The following PFKP variants were observed in gnomAD, a reference collection of about 807,000 sequenced individuals.
PFKP encodes phosphofructokinase, platelet, also known as ATP-dependent 6-phosphofructokinase, platelet type.
In PFKP, 101 loss-of-function variants were observed where a neutral mutation model predicts 94.3. That is an observed-to-expected ratio of 1.07 (90% CI 0.91 to 1.26). The LOEUF is 1.26. Among genes scored for constraint, PFKP ranks in the 50% most tolerant of loss-of-function variants. The probability of loss-of-function intolerance (pLI) is 0.00; values close to 1 mark genes in which losing one functional copy is unlikely to be tolerated. For missense variants in PFKP, 1,145 were observed against 1,103.3 expected (o/e 1.04, Z -0.53); for synonymous variants, 573 against 432.6 (o/e 1.32, Z -4.03).
chr10:3,104,997 C>T, intron 5 of PFKP, 118 bp from the exon 6 acceptor site: 4 of 937,560 alleles, frequency 4.3e-6, no homozygotes, highest in Non-Finnish European at 1.7e-6. Flanking sequence ...TCCTGGCTAA[C>T]TCGGCTGTCA....
At chr10:3,102,500 G>A (rs764689875) in intron 4 of PFKP, among the ~76,000 whole-genome samples, 164 of 151,952 alleles carry the variant, frequency 1.1e-3, no homozygotes, top group Non-Finnish European at 2.1e-3. Flanking sequence ...TGCAACATCT[G>A]CCTCCTGGGT....
chr10:3,105,602 C>CTCTG (rs1330758537), intron 7 of PFKP, 101 bp downstream of exon 7: 7 of 803,270 alleles, frequency 8.7e-6, no homozygotes, highest in Non-Finnish European at 1.5e-5. Flanking sequence ...GAAAAAATTT[C>CTCTG]TCTGTCTCCA....
intron 1 of PFKP, among the ~76,000 whole-genome samples, chr10:3,071,568 T>C (rs567160147): frequency 3.4e-4 from 52 of 152,072 alleles, no homozygotes; most frequent in African/African-American, 1.0e-3. Flanking sequence ...GGACTTACCA[T>C]GACTAAGTCC....
At chr10:3,111,083 C>T (rs553502702) in intron 10 of PFKP, among the ~76,000 whole-genome samples, 3 of 149,576 alleles carry the variant, frequency 2.0e-5, no homozygotes, top group African/African-American at 4.9e-5. Context: ...AATGCATCTG[C>T]ATGTGTGTGC....
chr10:3,133,577 C>T (rs1008276065), intron 19 of PFKP, among the ~76,000 whole-genome samples: 2 of 152,114 alleles, frequency 1.3e-5, no homozygotes, highest in African/African-American at 2.4e-5. Flanking sequence ...AGTATAGGCA[C>T]CCACCACCAC....
intron 2 of PFKP, among the ~76,000 whole-genome samples, chr10:3,084,335 C>T (rs1283863421): frequency 6.6e-6 from 1 of 152,196 alleles, no homozygotes; most frequent in Non-Finnish European, 1.5e-5. Context: ...CCCCTGTCTG[C>T]TTTCTAAGCC....
intron 16 of PFKP, chr10:3,125,095 A>G: frequency 1.6e-6 from 2 of 1,273,610 alleles, no homozygotes; most frequent in South Asian, 1.4e-5. Context: ...CTGCTGCTTC[A>G]GGCTTACAAG....
chr10:3,128,567 C>T (rs767684474), intron 16 of PFKP, among the ~76,000 whole-genome samples: 2 of 152,240 alleles, frequency 1.3e-5, no homozygotes, highest in Non-Finnish European at 1.5e-5. Context: ...GCTCCAGGAG[C>T]GTCCCTCGTG....
intron 16 of PFKP, among the ~76,000 whole-genome samples, chr10:3,127,010 C>T (rs1838025859): frequency 6.6e-6 from 1 of 152,256 alleles, no homozygotes; most frequent in South Asian, 2.1e-4. Context: ...CACTCGGAGG[C>T]CAGGGAGGCA....
intron 16 of PFKP, among the ~76,000 whole-genome samples, chr10:3,127,096 TTGCC>T (rs1838038671): frequency 6.6e-6 from 1 of 152,282 alleles, no homozygotes; most frequent in Non-Finnish European, 1.5e-5. Flanking sequence ...CTTTGACTAA[TTGCC>T]TGAGGCACGG....
chr10:3,109,537 T>C (rs976659930), intron 10 of PFKP, 57 bp downstream of exon 10: 4 of 1,577,976 alleles, frequency 2.5e-6, no homozygotes, highest in Non-Finnish European at 3.4e-6. Context: ...CAGAAGCTGC[T>C]TGTCAGGCCA....
intron 5 of PFKP, among the ~76,000 whole-genome samples, chr10:3,104,444 G>T (rs1158338020): frequency 6.6e-6 from 1 of 152,228 alleles, no homozygotes; most frequent in Non-Finnish European, 1.5e-5. Flanking sequence ...AAACCATGTG[G>T]AATGGTAAAT....
chr10:3,068,026 T>C (rs76073697), intron 1 of PFKP, among the ~76,000 whole-genome samples: 5,927 of 151,642 alleles, frequency 0.039, 177 homozygotes, highest in Non-Finnish European at 0.056. Context: ...GATCAGTGAG[T>C]TTTCCACCTT....
intron 19 of PFKP, 83 bp downstream of exon 19, chr10:3,133,397 G>A: frequency 1.1e-6 from 1 of 889,494 alleles, no homozygotes; most frequent in Non-Finnish European, 1.9e-6. Context: ...AGCCATTGTG[G>A]GGAAAAATGT....
chr10:3,133,307 T>C lies in PFKP; in HGVS notation c.2015T>C (p.Met672Thr), dbSNP rs1309363400. 4 of 1,607,768 alleles carry C rather than the reference T, an allele frequency of 2.5e-6. No individual in the cohort carries two copies. In the South Asian group the frequency reaches 4.4e-5, roughly 18 times the overall value. The change falls in exon 19 of 22, where the codon ATG (methionine) becomes ACG (threonine). Residue 672 changes from methionine (M) to threonine (T), a missense_variant. Physicochemically the swap from Met to Thr is moderately conservative, Grantham distance 81. Transcript: ENST00000381125. ...FDCRKNVLGH[M>T]QQGGAPSPFD... ...TGCAGGAAGAACGTGCTGGGTCACA[T>C]GCAGCAGGTAGGCCCGAGACTGCAT...
chr10:3,105,191 G>T (rs1194910896), intron 6 of PFKP, 32 bp downstream of exon 6: 2 of 1,597,864 alleles, frequency 1.3e-6, no homozygotes, highest in South Asian at 2.2e-5. Context: ...GGTGGACGCG[G>T]TTCAGGTGGG....
intron 4 of PFKP, 87 bp from the exon 5 acceptor site, chr10:3,103,692 A>T (rs891385216): frequency 1.6e-6 from 2 of 1,287,680 alleles, no homozygotes; most frequent in African/African-American, 2.9e-5. Flanking sequence ...TTCTCTACCC[A>T]TGGCCATTCT....
chr10:3,102,390 G>T (rs1001836563), intron 4 of PFKP, among the ~76,000 whole-genome samples: 1 of 151,598 alleles, frequency 6.6e-6, no homozygotes, highest in Non-Finnish European at 1.5e-5. Context: ...TGTGTATGTG[G>T]TTTATTTTTG....
intron 5 of PFKP, 86 bp from the exon 6 acceptor site, chr10:3,105,029 T>G: frequency 2.1e-4 from 269 of 1,273,706 alleles, no homozygotes; most frequent in Non-Finnish European, 2.8e-4. Flanking sequence ...CTCTGCTTTC[T>G]GAGCTGTTTC....
Sources: gnomAD v4.1 joint callset for allele counts (sites outside exome capture counted in the v4.1 genomes callset) on GRCh38, gnomAD v4.1.1 for gene constraint, MANE v1.5 for transcripts, NCBI Gene and HGNC (gene_info 2026-07-23, HGNC 2026-07-21) for gene names.